IKBKB-DT: variants seen among roughly 807,000 people sequenced by gnomAD.
IKBKB-DT encodes IKBKB divergent transcript, also known as IKBKB antisense RNA.
chr8:42,266,783 G>C (rs935538538), intron 1 of IKBKB-DT, among the ~76,000 whole-genome samples: 3 of 152,094 alleles, frequency 2.0e-5, no homozygotes, highest in Non-Finnish European at 4.4e-5. Context: ...CGTCCTCACT[G>C]TTATACTCCC....
intron 3 of IKBKB-DT, among the ~76,000 whole-genome samples, chr8:42,260,668 CAAAAAAA>C (rs771731696): frequency 6.7e-5 from 3 of 44,922 alleles, no homozygotes; most frequent in South Asian, 8.1e-4. Context: ...GACTCTGTCT[CAAAAAAA>C]AAAAAAAAAA....
chr8:42,246,064 T>A (rs1807059573), intron 3 of IKBKB-DT, among the ~76,000 whole-genome samples: 2 of 152,204 alleles, frequency 1.3e-5, no homozygotes, highest in Non-Finnish European at 2.9e-5. Flanking sequence ...CGAGACAGGA[T>A]CTTGCTCTGT....
At chr8:42,269,301 T>C (rs948233490) in intron 1 of IKBKB-DT, among the ~76,000 whole-genome samples, 6 of 133,852 alleles carry the variant, frequency 4.5e-5, no homozygotes, top group African/African-American at 1.7e-4. Context: ...AAGTGGGCGA[T>C]AGAGAAAGGC....
chr8:42,239,614 T>TTATATATATATATACATATATATATATA (rs1806972480), intron 3 of IKBKB-DT, among the ~76,000 whole-genome samples: 2 of 19,910 alleles, frequency 1.0e-4, no homozygotes, highest in Admixed American at 1.6e-3. Flanking sequence ...AAAAGGCAAT[T>TTATATATATATATACATATATATATATA]TATATATATA....
chr8:42,240,339 T>C (rs184697402), intron 3 of IKBKB-DT, among the ~76,000 whole-genome samples: 3 of 151,878 alleles, frequency 2.0e-5, no homozygotes, highest in African/African-American at 4.8e-5. Flanking sequence ...CAGCAAGTAA[T>C]TGGGGCCAGG....
chr8:42,255,745 G>A lies in IKBKB-DT; in HGVS notation n.1529+7584C>T, dbSNP rs553183557. 2.9e-4 allele frequency among the ~76,000 whole-genome samples: 44 copies of A among 152,262 alleles called. No individual in the cohort carries two copies. In the South Asian group the frequency reaches 8.9e-3, roughly 31 times the overall value. On this transcript the variant is annotated intron_variant and non_coding_transcript_variant, in intron 3 of 3. Coordinates refer to ENST00000518213, the Ensembl canonical transcript of IKBKB-DT. ...GAATTTATGAAAATAACTATATAGTGCCAAGCATGGTGGCTCACACCTGTA... is the reference window on the plus strand; with the variant it reads ...GAATTTATGAAAATAACTATATAGTACCAAGCATGGTGGCTCACACCTGTA...
intron 3 of IKBKB-DT, among the ~76,000 whole-genome samples, chr8:42,245,590 C>T (rs573864190): frequency 2.0e-5 from 3 of 152,132 alleles, no homozygotes; most frequent in Admixed American, 2.0e-4. Flanking sequence ...CATTTGACAG[C>T]AAGATAAAGG....
chr8:42,241,215 T>C (rs975243207), intron 3 of IKBKB-DT, among the ~76,000 whole-genome samples: 2 of 144,980 alleles, frequency 1.4e-5, no homozygotes, highest in South Asian at 2.2e-4. Flanking sequence ...CCTTTAGATA[T>C]GTTGGAATCT....
intron 3 of IKBKB-DT, among the ~76,000 whole-genome samples, chr8:42,234,296 A>G (rs1018191213): frequency 1.3e-5 from 2 of 152,176 alleles, no homozygotes; most frequent in African/African-American, 4.8e-5. Context: ...CTGGTGAGGC[A>G]TGAGGCCCTC....
chr8:42,251,115 A>C (rs907734351), intron 3 of IKBKB-DT, among the ~76,000 whole-genome samples: 3 of 152,122 alleles, frequency 2.0e-5, no homozygotes, highest in Non-Finnish European at 4.4e-5. Flanking sequence ...GAAATACCAA[A>C]AGTGTTAGAA....
At chr8:42,267,000 T>C (rs1046558728) in intron 1 of IKBKB-DT, among the ~76,000 whole-genome samples, 2 of 137,424 alleles carry the variant, frequency 1.5e-5, no homozygotes, top group African/African-American at 3.6e-5. Flanking sequence ...TTTGTTTTTT[T>C]TTTGTTTTTT....
chr8:42,240,473 A>T (rs1389810215), intron 3 of IKBKB-DT, among the ~76,000 whole-genome samples: 2 of 151,374 alleles, frequency 1.3e-5, no homozygotes, highest in East Asian at 3.9e-4. Context: ...AAATCCAAAA[A>T]CATTAGCCGG....
At chr8:42,254,371 C>T (rs1807167037) in intron 3 of IKBKB-DT, among the ~76,000 whole-genome samples, 1 of 152,356 alleles carries the variant, frequency 6.6e-6, no homozygotes, top group Non-Finnish European at 1.5e-5. Context: ...ATCATATAGG[C>T]TCTTGGCCAC....
At chr8:42,263,866 C>A (rs538509322) in intron 2 of IKBKB-DT, among the ~76,000 whole-genome samples, 94 of 152,290 alleles carry the variant, frequency 6.2e-4, no homozygotes, top group African/African-American at 2.2e-3. Context: ...GGCCGGAGTG[C>A]AATGGCACGA....
At chr8:42,246,209 G>C (rs994857845) in intron 3 of IKBKB-DT, among the ~76,000 whole-genome samples, 2 of 151,986 alleles carry the variant, frequency 1.3e-5, no homozygotes, top group Non-Finnish European at 2.9e-5. Context: ...GCTAATTTTT[G>C]TAGAGTCAGG....
chr8:42,256,275 T>A (rs1807198742), intron 3 of IKBKB-DT, among the ~76,000 whole-genome samples: 3 of 151,700 alleles, frequency 2.0e-5, no homozygotes. Flanking sequence ...AGAATTATAA[T>A]CATCAGTCGG....
At chr8:42,269,042 C>T (rs527965393) in intron 1 of IKBKB-DT, among the ~76,000 whole-genome samples, 35 of 151,640 alleles carry the variant, frequency 2.3e-4, no homozygotes, top group Non-Finnish European at 4.1e-4. Context: ...AGGCCAGAAG[C>T]GGTGGCTCAC....
intron 3 of IKBKB-DT, among the ~76,000 whole-genome samples, chr8:42,252,218 A>G (rs1456285242): frequency 6.6e-6 from 1 of 152,234 alleles, no homozygotes; most frequent in Non-Finnish European, 1.5e-5. Context: ...CGCACTATGC[A>G]AACGGCACAC....
chr8:42,263,718 G>C (rs1402811864), intron 2 of IKBKB-DT, among the ~76,000 whole-genome samples: 1 of 152,198 alleles, frequency 6.6e-6, no homozygotes, highest in Non-Finnish European at 1.5e-5. Context: ...ATTTATGTTG[G>C]TGTCTTCTCT....
Sources: allele counts gnomAD v4.1 joint callset (sites outside exome capture counted in the v4.1 genomes callset), GRCh38; gene constraint gnomAD v4.1.1; transcripts MANE v1.5; gene names NCBI Gene and HGNC (gene_info 2026-07-23, HGNC 2026-07-21).